Variants in MIER2 observed in about 807,000 individuals in gnomAD.
MIER2 encodes the protein mesoderm induction early response protein 2.
Under a neutral mutation model 67.6 loss-of-function variants are expected in MIER2, and 30 were observed. The observed-to-expected ratio is 0.44, with a 90% CI of 0.33 to 0.60. The LOEUF is 0.60. MIER2 is among the 20% of genes least tolerant of loss of function. MIER2 has a pLI of 0.02. For synonymous variants in MIER2, 372 were observed against 312.6 expected, an observed-to-expected ratio of 1.19 and a Z score of -2.00; for missense variants, 702 against 745.1, an observed-to-expected ratio of 0.94 and a Z score of 0.67.
chr19:325,840 G>A, intron 6 of MIER2, 136 bp from the exon 7 acceptor site: 1 of 904,154 alleles, frequency 1.1e-6, no homozygotes, highest in Non-Finnish European at 1.8e-6. Context: ...CCGTCTACCT[G>A]CTGATGCCCA....
In MIER2 at chr19:336,838, G is replaced by A. The variant is rs1401281671; in HGVS notation, c.10-665C>T. ...CATTATAAGTTACCATTATCACAAT[G>A]TTCAATATCTCTCTTTTTTTTTGAG... is the stretch of plus-strand genomic sequence containing the variant. On this transcript the variant is annotated intron_variant, in intron 1 of 13. Coordinates refer to ENST00000264819, the MANE Select transcript of MIER2 (RefSeq NM_017550.3). Among the ~76,000 whole-genome samples, 8 of 152,032 alleles carry A rather than the reference G, an allele frequency of 5.3e-5. 1 individual carries two copies. The highest frequency in any genetic ancestry group is 4.6e-4 in the Admixed American group (7 of 15,254).
chr19:338,918 G>A (rs572050674), intron 1 of MIER2, among the ~76,000 whole-genome samples: 1 of 152,084 alleles, frequency 6.6e-6, no homozygotes, highest in South Asian at 2.1e-4. Flanking sequence ...ATGGATCAAA[G>A]GCCTTAAATA....
At chr19:315,658 A>G (rs1432356680) in intron 7 of MIER2, among the ~76,000 whole-genome samples, 1 of 152,272 alleles carries the variant, frequency 6.6e-6, no homozygotes, top group Non-Finnish European at 1.5e-5. Context: ...CAATGTTTAC[A>G]AGACCAAAAC....
At chr19:331,710 G>C (rs910156069) in intron 3 of MIER2, among the ~76,000 whole-genome samples, 2 of 151,948 alleles carry the variant, frequency 1.3e-5, no homozygotes, top group Admixed American at 6.6e-5. Context: ...TTGGCCAGGC[G>C]TGGTGGCTCA....
chr19:311,852 G>C lies in MIER2; in HGVS notation c.977C>G (p.Ala326Gly), dbSNP rs1253394285. The C allele has an allele frequency of 3.2e-5, 51 of 1,614,042 alleles. No individual in the cohort carries two copies. The highest frequency in any genetic ancestry group is 4.2e-5 in the Non-Finnish European group (50 of 1,179,924). ...TGGCAGTGGAGTCCGCACCTTGTTG[G>C]CCTGGATCAGGTGAAAGTTCTTTCC... The part of the protein sequence containing the change: ...VHGKNFHLIQ[A>G]NKVRTRSVGE... Residue 326 changes from alanine to glycine, a missense_variant, in exon 10 of 14, where the codon GCC becomes GGC. Physicochemically the swap from Ala to Gly is moderately conservative, Grantham distance 60. This residue lies in a region of MIER2 where 128 missense variants were observed against 189.7 expected (regional missense o/e 0.67). Transcript: ENST00000264819.
chr19:326,431 G>A (rs1971752301), intron 6 of MIER2, 76 bp downstream of exon 6: 3 of 1,357,522 alleles, frequency 2.2e-6, no homozygotes, highest in Middle Eastern at 2.0e-4. Flanking sequence ...GCAGAGCCAC[G>A]GTCGGGATGC....
intron 5 of MIER2, 40 bp from the exon 6 acceptor site, chr19:326,638 G>T: frequency 6.6e-7 from 1 of 1,505,120 alleles, no homozygotes; most frequent in Non-Finnish European, 9.2e-7. Context: ...GGTCTCCACT[G>T]CCTGCAGCCT....
chr19:316,962 C>G (rs1001236306), intron 7 of MIER2, among the ~76,000 whole-genome samples: 2 of 152,018 alleles, frequency 1.3e-5, no homozygotes, highest in East Asian at 1.9e-4. Flanking sequence ...GAACAAGACT[C>G]TATCTCAAAA....
chr19:329,145 C>A (rs1425977045), intron 3 of MIER2, among the ~76,000 whole-genome samples: 1 of 152,180 alleles, frequency 6.6e-6, no homozygotes, highest in Non-Finnish European at 1.5e-5. Context: ...GATGTTAGCA[C>A]TGGCCTCCCC....
At position 306,640 on chromosome 19, in the gene MIER2, C is replaced by T. The variant is rs370296227; in HGVS notation, c.*50G>A. ...GGAAGACTGACAGAGGCGGGCCCAG[C>T]GGCAGCGCTAAGTCCAGTCTGGGCC... On this transcript the variant is annotated 3_prime_UTR_variant, in exon 14 of 14. Transcript: ENST00000264819. The T allele has an allele frequency of 3.2e-5, 49 of 1,549,146 alleles. No individual in the cohort carries two copies. The highest frequency in any genetic ancestry group is 4.9e-5 in the East Asian group (2 of 40,890).
chr19:344,050 T>C (rs868092509), intron 1 of MIER2: 2 of 985,406 alleles, frequency 2.0e-6, no homozygotes, highest in Non-Finnish European at 2.4e-6. Context: ...AAAATATAGC[T>C]GGTCCCAAAC....
Position 325,546 on chromosome 19 carries a change from C to G in MIER2, c.655+89G>C, listed in dbSNP as rs915226545. On this transcript the variant is annotated intron_variant, in intron 7 of 13. Coordinates refer to ENST00000264819, the MANE Select transcript of MIER2 (RefSeq NM_017550.3). ...CCAGTGAGCGATGCGGGGCGGGGAC[C>G]TGACCAGACTGTCCAAGGATCTGAC... 18 of 1,483,680 alleles carry G rather than the reference C, an allele frequency of 1.2e-5. No individual in the cohort carries two copies. The East Asian group carries it at 4.1e-4, about 34-fold the overall frequency. The allele number at this position is 1,483,680 out of a possible 1,614,324, so 91.9% of individuals were successfully genotyped here. A position where few individuals can be genotyped will look rare whatever the true frequency, so the allele number is the denominator to read the frequency against.
chr19:312,009 CCGGGG>C (rs1971030719), intron 9 of MIER2, 70 bp from the exon 10 acceptor site: 18 of 1,248,560 alleles, frequency 1.4e-5, no homozygotes, highest in Admixed American at 2.2e-5. Flanking sequence ...AAGGCCCAGG[CCGGGG>C]AGAACAGTCA....
chr19:310,684 C>G (rs1267633426), intron 10 of MIER2, among the ~76,000 whole-genome samples: 2,364 of 67,826 alleles, frequency 0.035, no homozygotes, highest in African/African-American at 0.084. Context: ...AAACACAGCC[C>G]AGAGCTATAG....
Position 308,502 on chromosome 19 carries a change from A to C in MIER2, c.1198+75T>G. 8.3e-6 allele frequency: 12 copies of C among 1,444,716 alleles called. No individual in the cohort carries two copies. Among genetic ancestry groups the C allele is most frequent in the Non-Finnish European group, 1.0e-5 (11 of 1,069,118 alleles). 89.5% of individuals were successfully genotyped at this position (1,444,716 alleles called of 1,614,324 possible). On this transcript the variant is annotated intron_variant, in intron 12 of 13. Coordinates refer to ENST00000264819, the MANE Select transcript of MIER2 (RefSeq NM_017550.3). This position sits in a 1 kb window ranked among gnomAD's most constrained non-coding sequence, Gnocchi z 9.1. ...CCCAGCACAGGGCGCCAGGCAGGAG[A>C]GGCTCCACCGGGCCTCACTCACGGC...
intron 10 of MIER2, among the ~76,000 whole-genome samples, chr19:310,191 T>C (rs1970888042): frequency 1.3e-5 from 2 of 152,262 alleles, no homozygotes; most frequent in African/African-American, 4.8e-5. Context: ...AGCTTGAGGC[T>C]GTGGCCACTG....
rs912453213 is a variant in MIER2, at chr19:341,871, C to A, written c.9+2903G>T. Among the ~76,000 whole-genome samples the A allele has an allele frequency of 2.0e-5, 3 of 151,980 alleles. No homozygotes were observed. The South Asian group carries it at 6.2e-4, about 32-fold the overall frequency. ...TTCAGGCAGTAGAAGCGGCAGCCAG[C>A]TACTCAACATAAAGACTGCACCAGA... On this transcript the variant is annotated intron_variant, in intron 1 of 13. Coordinates refer to ENST00000264819, the MANE Select transcript of MIER2 (RefSeq NM_017550.3).
rs150878648 is a variant in MIER2, at chr19:308,804, G to A, written c.1106C>T (p.Thr369Ile). 2 of 1,604,352 alleles carry A rather than the reference G, an allele frequency of 1.2e-6. No individual in the cohort carries two copies. Among genetic ancestry groups the A allele is most frequent in the Non-Finnish European group, 1.7e-6 (2 of 1,172,732 alleles). The change falls in exon 11 of 14, where the codon ACC becomes ATC. Residue 369 changes from threonine to isoleucine, a missense_variant. Physicochemically the swap from Thr to Ile is moderately conservative, Grantham distance 89. This residue lies in a region of MIER2 where 254 missense variants were observed against 262.8 expected (regional missense o/e 0.97). Transcript: ENST00000264819. The surrounding 1 kb of genome is among the most constrained non-coding windows in gnomAD (Gnocchi z 9.1). ...LGRRKYVPSG[T>I]TDADQDLDGS... ...TGCTGGGGAGGGCTGCACGCACGTG[G>A]TTCCGGACGGGACGTACTTCCTCCG...
chr19:320,249 C>T (rs775470550), intron 7 of MIER2, among the ~76,000 whole-genome samples: 4 of 151,818 alleles, frequency 2.6e-5, no homozygotes, highest in South Asian at 2.1e-4. Context: ...CGTGCAGTGG[C>T]GCACATCTGT....
Sources: allele counts gnomAD v4.1 joint callset (sites outside exome capture counted in the v4.1 genomes callset), GRCh38; gene constraint gnomAD v4.1.1; regional missense constraint gnomAD v4.1.1; non-coding constraint Gnocchi (gnomAD v3.1); transcripts MANE v1.5; gene names NCBI Gene and HGNC (gene_info 2026-07-23, HGNC 2026-07-21).